ARHGEF12: variants seen among roughly 807,000 people sequenced by gnomAD.
The protein encoded by ARHGEF12 is KMT2A/ARHGEF12 fusion protein.
ARHGEF12 carries 66 observed loss-of-function variants against 211.2 expected under a neutral mutation model. The ratio of observed to expected loss-of-function variants is 0.31; its 90% CI spans 0.26 to 0.38. ARHGEF12 has a LOEUF of 0.38. Ranked by LOEUF, ARHGEF12 falls within the 10% of genes least tolerant of loss-of-function variation. The pLI is 1.00. For missense variants in ARHGEF12, 1,429 were observed against 1,869.5 expected (o/e 0.76, Z 4.34); for synonymous variants, 592 against 638.4 (o/e 0.93, Z 1.09).
intron 26 of ARHGEF12, among the ~76,000 whole-genome samples, chr11:120,459,610 C>A (rs1013727891): frequency 1.3e-5 from 2 of 151,926 alleles, no homozygotes; most frequent in Non-Finnish European, 2.9e-5. Context: ...GTATATATAT[C>A]TCTTTAAATA....
In ARHGEF12 at chr11:120,440,228, AC is replaced by A; in HGVS notation, c.1092+8del. 6.2e-7 allele frequency: 1 copy of A among 1,603,568 alleles called. No homozygotes were observed. The highest frequency in any genetic ancestry group is 8.5e-7 in the Non-Finnish European group (1 of 1,172,606). The stretch of plus-strand genomic sequence containing the variant: ...TGGTACTGAACATGAACAGGTGATG[AC>A]TTTTTTCTTTCTAAAAAATAGATTG... On this transcript the variant is annotated splice_region_variant and intron_variant, in intron 13 of 40. Coordinates refer to ENST00000397843, the MANE Select transcript of ARHGEF12 (RefSeq NM_015313.3).
At chr11:120,405,278 T>C (rs1217155960) in intron 1 of ARHGEF12, among the ~76,000 whole-genome samples, 1 of 152,078 alleles carries the variant, frequency 6.6e-6, no homozygotes, top group East Asian at 1.9e-4. Flanking sequence ...ATGCCATAGG[T>C]TGAAATAATT....
chr11:120,362,659 T>C lies in ARHGEF12; in HGVS notation c.32+25384T>C, dbSNP rs910233524. Among the ~76,000 whole-genome samples the C allele has an allele frequency of 2.6e-5, 4 of 152,286 alleles. No homozygotes were observed. The South Asian group carries it at 8.3e-4, about 32-fold the overall frequency. ...CAAATTAGACGTGTATACAAAACAA[T>C]TATTATTTGGAAAGTATCTTCTAGA... On this transcript the variant is annotated intron_variant, in intron 1 of 40. Coordinates refer to ENST00000397843, the MANE Select transcript of ARHGEF12 (RefSeq NM_015313.3).
At chr11:120,351,793 A>G (rs543273706) in intron 1 of ARHGEF12, among the ~76,000 whole-genome samples, 2 of 152,136 alleles carry the variant, frequency 1.3e-5, no homozygotes, top group East Asian at 1.9e-4. Context: ...TATTGAGTAC[A>G]TATTAAGTAC....
chr11:120,428,860 C>T (rs1486141572), intron 8 of ARHGEF12, among the ~76,000 whole-genome samples: 2 of 152,112 alleles, frequency 1.3e-5, no homozygotes, highest in African/African-American at 4.8e-5. Flanking sequence ...GGGAGATGAA[C>T]TTGAAAATAG....
chr11:120,409,587 T>A, intron 4 of ARHGEF12, 137 bp downstream of exon 4: 2 of 822,830 alleles, frequency 2.4e-6, no homozygotes, highest in Non-Finnish European at 3.7e-6. Flanking sequence ...TGGCATGATC[T>A]ACTGCAGGGA....
intron 1 of ARHGEF12, among the ~76,000 whole-genome samples, chr11:120,351,439 ATATATATATATATATATTTTTT>A (rs1406915432): frequency 0.063 from 260 of 4,108 alleles, 5 homozygotes; most frequent in Non-Finnish European, 0.076. Context: ...ATATATATAT[ATATATATATATATATATTTTTT>A]TTTTTTTTTT....
At chr11:120,418,240 T>G (rs923262793) in intron 4 of ARHGEF12, among the ~76,000 whole-genome samples, 2 of 152,196 alleles carry the variant, frequency 1.3e-5, no homozygotes, top group African/African-American at 4.8e-5. Flanking sequence ...CTTCCGTGCT[T>G]CTCCCCTAGG....
chr11:120,465,466 G>T, intron 28 of ARHGEF12, 104 bp downstream of exon 28: 1 of 1,452,860 alleles, frequency 6.9e-7, no homozygotes. Context: ...GATTACATCT[G>T]TGTTAACTTT....
intron 1 of ARHGEF12, among the ~76,000 whole-genome samples, chr11:120,364,439 A>G (rs1943367262): frequency 1.3e-5 from 2 of 152,214 alleles, no homozygotes; most frequent in African/African-American, 2.4e-5. Flanking sequence ...AAACTTTTTG[A>G]ATTAGTAATG....
At position 120,440,310 on chromosome 11, in the gene ARHGEF12, A is replaced by G. The variant is rs1945832936; in HGVS notation, c.1092+89A>G. ...AAATGAGCACGTTCTGGAGATTAAG[A>G]TAACATTTGTAAGGATTTGAAGCTA... is the stretch of plus-strand genomic sequence containing the variant. On this transcript the variant is annotated intron_variant, in intron 13 of 40. Transcript: ENST00000397843. 3.7e-6 allele frequency: 4 copies of G among 1,087,710 alleles called. No homozygotes were observed. In the African/African-American group the frequency reaches 6.4e-5, roughly 17 times the overall value. The allele number at this position is 1,087,710 out of a possible 1,614,324, so 67.4% of individuals were successfully genotyped here.
At chr11:120,479,808 G>T (rs1021159864) in intron 37 of ARHGEF12, 152 bp from the exon 38 acceptor site, 2 of 644,016 alleles carry the variant, frequency 3.1e-6, no homozygotes, top group African/African-American at 1.8e-5. Context: ...GAAGTAAGAT[G>T]ATTGTATGAA....
chr11:120,446,835 G>A, intron 17 of ARHGEF12, 113 bp from the exon 18 acceptor site: 1 of 1,328,284 alleles, frequency 7.5e-7, no homozygotes, highest in Non-Finnish European at 1.0e-6. Flanking sequence ...AAGTGGAAAA[G>A]TGACATTTTT....
intron 11 of ARHGEF12, among the ~76,000 whole-genome samples, chr11:120,433,445 G>A (rs1433848386): frequency 3.9e-5 from 6 of 152,266 alleles, no homozygotes; most frequent in Middle Eastern, 6.8e-3. Context: ...TTTTGTTTTA[G>A]TAATGCGTCT....
chr11:120,419,661 TTTCTA>T (rs1945126287), intron 4 of ARHGEF12, among the ~76,000 whole-genome samples: 1 of 152,094 alleles, frequency 6.6e-6, no homozygotes, highest in Admixed American at 6.5e-5. Context: ...ATGTATATGT[TTTCTA>T]TGAGCCATTG....
At chr11:120,422,534 T>A (rs942489601) in intron 6 of ARHGEF12, among the ~76,000 whole-genome samples, 8 of 152,210 alleles carry the variant, frequency 5.3e-5, no homozygotes, top group African/African-American at 1.9e-4. Flanking sequence ...GCTATGTGTA[T>A]AAGGTATATA....
At chr11:120,356,666 C>A (rs866091244) in intron 1 of ARHGEF12, among the ~76,000 whole-genome samples, 2 of 152,170 alleles carry the variant, frequency 1.3e-5, no homozygotes, top group South Asian at 4.1e-4. Flanking sequence ...CTGCAATTTT[C>A]TGACCATGTA....
In ARHGEF12 at chr11:120,479,988, A is replaced by G; in HGVS notation, c.3795A>G (p.Gln1265=). ...GTTTGTTGAAGCAGTTGCTGGTGCAACAGCTAGGTTTGACTGAGAAGAGCG... is the reference window on the plus strand; with the variant it reads ...GTTTGTTGAAGCAGTTGCTGGTGCAGCAGCTAGGTTTGACTGAGAAGAGCG... The part of the protein sequence containing the change: ...NLGLLKQLLV[Q]QLGLTEKSVQ... Residue 1265 remains glutamine, a synonymous_variant, in exon 38 of 41, where the codon CAA becomes CAG. Transcript: ENST00000397843. 3.1e-6 allele frequency: 5 copies of G among 1,613,172 alleles called. No homozygotes were observed. The highest frequency in any genetic ancestry group is 4.2e-6 in the Non-Finnish European group (5 of 1,179,276).
chr11:120,408,219 T>C (rs1219173941), intron 3 of ARHGEF12: 1 of 156,636 alleles, frequency 6.4e-6, no homozygotes, highest in Non-Finnish European at 1.4e-5. Flanking sequence ...ATTGTGATTA[T>C]GGTGAATTGG....
Sources: gnomAD v4.1 joint callset for allele counts (sites outside exome capture counted in the v4.1 genomes callset) on GRCh38, gnomAD v4.1.1 for gene constraint, MANE v1.5 for transcripts, NCBI Gene and HGNC (gene_info 2026-07-23, HGNC 2026-07-21) for gene names.